DPYD: variants seen among roughly 807,000 people sequenced by gnomAD.
The protein encoded by DPYD is dihydropyrimidine dehydrogenase [NADP(+)].
Under a neutral mutation model 116.2 loss-of-function variants are expected in DPYD, and 109 were observed. That is an observed-to-expected ratio of 0.94 (90% CI 0.80 to 1.10). The LOEUF (loss-of-function observed/expected upper bound fraction) is 1.10, where lower values mean the gene tolerates loss of function less well. DPYD is among the 50% of genes least tolerant of loss of function. The pLI, the probability that DPYD is intolerant of heterozygous loss-of-function variation, is 0.00. For missense variants in DPYD, 1,302 were observed against 1,254.5 expected, an observed-to-expected ratio of 1.04 and a Z score of -0.57; for synonymous variants, 440 against 432.0, an observed-to-expected ratio of 1.02 and a Z score of -0.23.
intron 8 of DPYD, among the ~76,000 whole-genome samples, chr1:97,615,252 C>T (rs1016623070): frequency 6.6e-6 from 1 of 152,074 alleles, no homozygotes; most frequent in Non-Finnish European, 1.5e-5. Context: ...AAATGCGATT[C>T]TTCATTTTCT....
At chr1:97,796,709 G>A (rs1469256879) in intron 3 of DPYD, among the ~76,000 whole-genome samples, 2 of 152,070 alleles carry the variant, frequency 1.3e-5, no homozygotes, top group African/African-American at 4.8e-5. Context: ...GAGTAGTGAT[G>A]TGAATTATTT....
At chr1:97,105,985 T>C (rs1226200044) in intron 20 of DPYD, among the ~76,000 whole-genome samples, 1 of 152,282 alleles carries the variant, frequency 6.6e-6, no homozygotes, top group East Asian at 1.9e-4. Context: ...GAAGCTGGAA[T>C]ATCTATAGAT....
intron 5 of DPYD, chr1:97,721,032 C>A: frequency 6.9e-7 from 1 of 1,440,516 alleles, no homozygotes. Flanking sequence ...AATCTAATGA[C>A]ATTATTAATG....
At chr1:97,489,923 C>T (rs1429092607) in intron 13 of DPYD, among the ~76,000 whole-genome samples, 2 of 151,916 alleles carry the variant, frequency 1.3e-5, no homozygotes, top group Non-Finnish European at 2.9e-5. Flanking sequence ...ACATTAATAC[C>T]TATAATATTT....
chr1:97,271,442 G>C (rs2100893770), intron 18 of DPYD, among the ~76,000 whole-genome samples: 1 of 152,218 alleles, frequency 6.6e-6, no homozygotes, highest in African/African-American at 2.4e-5. Context: ...AGGTTCTTTG[G>C]GCTTTAGAGA....
In DPYD at chr1:97,566,637, G is replaced by A. The variant is rs1284267148; in HGVS notation, c.1339+7123C>T. Among the ~76,000 whole-genome samples, 4 of 152,028 alleles carry A rather than the reference G, an allele frequency of 2.6e-5. No homozygotes were observed. The East Asian group carries it at 5.8e-4, about 22-fold the overall frequency. On this transcript the variant is annotated intron_variant, in intron 11 of 22. Transcript: ENST00000370192. ...TAAATATTTGTTTATTAAAATGCAT[G>A]CAACAGTGAAAATTTGATGAATTAT...
In DPYD at chr1:97,515,927, A is replaced by G. The variant is rs773519625; in HGVS notation, c.1539T>C (p.Ala513=). 6.2e-7 allele frequency: 1 copy of G among 1,612,566 alleles called. No individual in the cohort carries two copies. The highest frequency in any genetic ancestry group is 2.2e-5 in the East Asian group (1 of 44,818). The part of the protein sequence containing the change: ...IHKYVQSQYG[A]SVSAKPELPL... ...GTAGTTCAGGCTTGGCAGAAACGGA[A>G]GCTCCATATTGTGACTGCAAAATAC... is the stretch of plus-strand genomic sequence containing the variant. The change falls in exon 13 of 23, where the codon GCT becomes GCC. Residue 513 remains alanine (A), a synonymous_variant. Coordinates refer to ENST00000370192, the MANE Select transcript of DPYD (RefSeq NM_000110.4).
chr1:97,659,836 C>A (rs192300978), intron 8 of DPYD, among the ~76,000 whole-genome samples: 1 of 152,202 alleles, frequency 6.6e-6, no homozygotes, highest in Admixed American at 6.5e-5. Flanking sequence ...CATTCACCTT[C>A]ATTTCTTCAA....
At chr1:97,597,836 T>C (rs1028720802) in intron 8 of DPYD, among the ~76,000 whole-genome samples, 2 of 152,192 alleles carry the variant, frequency 1.3e-5, no homozygotes, top group African/African-American at 4.8e-5. Context: ...CATCTCTATC[T>C]ACCCATCTGT....
chr1:97,487,733 T>A (rs1045033452), intron 13 of DPYD, among the ~76,000 whole-genome samples: 1 of 152,052 alleles, frequency 6.6e-6, no homozygotes, highest in Non-Finnish European at 1.5e-5. Context: ...ATAAGAGAAC[T>A]GCTAAAATAA....
At chr1:97,393,301 T>A (rs182118933) in intron 14 of DPYD, among the ~76,000 whole-genome samples, 108 of 152,024 alleles carry the variant, frequency 7.1e-4, no homozygotes, top group Non-Finnish European at 1.3e-3. Flanking sequence ...CTTTTTTTTT[T>A]AAATTATTAT....
At chr1:97,480,943 G>A (rs1473676888) in intron 13 of DPYD, among the ~76,000 whole-genome samples, 2 of 152,000 alleles carry the variant, frequency 1.3e-5, no homozygotes, top group Admixed American at 1.3e-4. Flanking sequence ...TCATGCCACT[G>A]CACTCCAGTC....
chr1:97,497,724 G>A (rs1679350280), intron 13 of DPYD, among the ~76,000 whole-genome samples: 1 of 151,808 alleles, frequency 6.6e-6, no homozygotes, highest in African/African-American at 2.4e-5. Flanking sequence ...ATCATACATT[G>A]CTGGTGAGAA....
intron 3 of DPYD, among the ~76,000 whole-genome samples, chr1:97,758,556 G>C (rs1311157470): frequency 6.6e-6 from 1 of 152,068 alleles, no homozygotes; most frequent in African/African-American, 2.4e-5. Context: ...ATCCACAGCA[G>C]TAAAAATGAT....
At chr1:97,590,564 G>A (rs929169788) in intron 10 of DPYD, among the ~76,000 whole-genome samples, 10 of 152,148 alleles carry the variant, frequency 6.6e-5, no homozygotes, top group African/African-American at 2.4e-4. Flanking sequence ...TTAATTGTAA[G>A]CTAATAATAA....
At chr1:97,815,371 C>T (rs1668548681) in intron 3 of DPYD, among the ~76,000 whole-genome samples, 1 of 152,076 alleles carries the variant, frequency 6.6e-6, no homozygotes, top group Middle Eastern at 3.4e-3. Context: ...ATTTTATGTC[C>T]TATAATATGT....
At chr1:97,440,382 C>T (rs968147540) in intron 14 of DPYD, among the ~76,000 whole-genome samples, 15 of 151,780 alleles carry the variant, frequency 9.9e-5, no homozygotes, top group South Asian at 8.3e-4. Context: ...CATCTATATA[C>T]TATATGGATT....
chr1:97,752,735 C>T (rs903244386), intron 3 of DPYD, among the ~76,000 whole-genome samples: 1 of 152,178 alleles, frequency 6.6e-6, no homozygotes, highest in Non-Finnish European at 1.5e-5. Flanking sequence ...GGCTATCATG[C>T]TTGGAGCCAT....
At chr1:97,427,033 T>C (rs530231722) in intron 14 of DPYD, among the ~76,000 whole-genome samples, 2 of 152,220 alleles carry the variant, frequency 1.3e-5, no homozygotes, top group South Asian at 2.1e-4. Flanking sequence ...TTATGCAGTA[T>C]ATAATATGTG....
Sources: allele counts gnomAD v4.1 joint callset (sites outside exome capture counted in the v4.1 genomes callset), GRCh38; gene constraint gnomAD v4.1.1; transcripts MANE v1.5; gene names NCBI Gene and HGNC (gene_info 2026-07-23, HGNC 2026-07-21).